Variants in OPRM1 observed in about 807,000 individuals in gnomAD.
The protein encoded by OPRM1 is opioid receptor mu 1.
A neutral mutation model predicts 31.8 loss-of-function variants in OPRM1; 27 were observed. The ratio of observed to expected loss-of-function variants is 0.85; its 90% CI spans 0.63 to 1.17. The LOEUF is 1.17. OPRM1 is among the 50% of genes most tolerant of loss of function. The pLI, the probability that OPRM1 is intolerant of heterozygous loss-of-function variation, is 0.00. For missense variants in OPRM1, 536 were observed against 511.1 expected, an observed-to-expected ratio of 1.05 and a Z score of -0.47; for synonymous variants, 196 against 189.9, an observed-to-expected ratio of 1.03 and a Z score of -0.26.
At chr6:154,198,422 T>G (rs1472644669) in intron 3 of OPRM1, among the ~76,000 whole-genome samples, 1 of 152,116 alleles carries the variant, frequency 6.6e-6, no homozygotes, top group Non-Finnish European at 1.5e-5. Context: ...AATAGGTTGG[T>G]TTGCCAGACT....
chr6:154,059,986 C>T (rs573265145), intron 1 of OPRM1, among the ~76,000 whole-genome samples: 1 of 152,210 alleles, frequency 6.6e-6, no homozygotes, highest in East Asian at 1.9e-4. Context: ...AACCTAAGCC[C>T]ATGAAGTGTC....
At chr6:154,055,621 A>G (rs1783117163) in intron 1 of OPRM1, among the ~76,000 whole-genome samples, 1 of 152,198 alleles carries the variant, frequency 6.6e-6, no homozygotes, top group Non-Finnish European at 1.5e-5. Context: ...TTGCATGAGT[A>G]TCACTGTTTC....
chr6:154,189,237 A>G (rs918228032), intron 3 of OPRM1, among the ~76,000 whole-genome samples: 1 of 152,208 alleles, frequency 6.6e-6, no homozygotes, highest in African/African-American at 2.4e-5. Flanking sequence ...TCAGAAACTC[A>G]ACTTTACCAA....
At chr6:154,117,858 G>GGGGTGTGTGT (rs1554279534) in intron 3 of OPRM1, among the ~76,000 whole-genome samples, 1 of 145,662 alleles carries the variant, frequency 6.9e-6, no homozygotes, top group African/African-American at 2.5e-5. Context: ...TTAAAAAGAT[G>GGGGTGTGTGT]GTGTGTGTGT....
upstream of OPRM1, among the ~76,000 whole-genome samples, chr6:154,035,108 T>C (rs1779227386): frequency 6.6e-6 from 1 of 152,226 alleles, no homozygotes; most frequent in Non-Finnish European, 1.5e-5. Flanking sequence ...TTGATTCTCA[T>C]ATTTTTATTT....
intron 1 of OPRM1, among the ~76,000 whole-genome samples, chr6:154,040,284 G>A (rs1473751632): frequency 6.6e-6 from 1 of 151,542 alleles, no homozygotes; most frequent in East Asian, 1.9e-4. Context: ...TGTGTGTGTG[G>A]CGGGGGGAGC....
intron 3 of OPRM1, chr6:154,214,140 T>C (rs1377088017): frequency 1.1e-6 from 1 of 934,422 alleles, no homozygotes; most frequent in Non-Finnish European, 1.8e-6. Context: ...TACATAGAAC[T>C]TGACATTGTT....
chr6:154,082,586 C>T (rs1166345598), intron 1 of OPRM1, among the ~76,000 whole-genome samples: 1 of 152,034 alleles, frequency 6.6e-6, no homozygotes, highest in African/African-American at 2.4e-5. Context: ...AAAGAAATAC[C>T]TAGGGCTATA....
At chr6:154,236,748 C>G (rs1021885738) in intron 3 of OPRM1, among the ~76,000 whole-genome samples, 1 of 152,012 alleles carries the variant, frequency 6.6e-6, no homozygotes, top group South Asian at 2.1e-4. Flanking sequence ...GACATAGAGG[C>G]GAGGCCCAGA....
At chr6:154,185,698 C>T (rs1004638751) in intron 3 of OPRM1, among the ~76,000 whole-genome samples, 5 of 152,062 alleles carry the variant, frequency 3.3e-5, no homozygotes, top group Non-Finnish European at 5.9e-5. Context: ...TGGCTTCCCT[C>T]GGCCACATTA....
chr6:154,217,875 T>C (rs1778539953), intron 3 of OPRM1, among the ~76,000 whole-genome samples: 2 of 152,312 alleles, frequency 1.3e-5, no homozygotes, highest in Non-Finnish European at 2.9e-5. Context: ...AGAAAAGGCA[T>C]TTCTAAGCTC....
chr6:154,120,641 T>C lies in OPRM1; in HGVS notation c.*1920T>C, dbSNP rs1797250233. ...AATGGATAATTCAAACAGAACACAATGTAATATTTGTATGTAAATAACTGA... is the reference window on the plus strand; with the variant it reads ...AATGGATAATTCAAACAGAACACAACGTAATATTTGTATGTAAATAACTGA... On this transcript the variant is annotated 3_prime_UTR_variant, in exon 4 of 4. Transcript: ENST00000330432. Among the ~76,000 whole-genome samples the C allele has an allele frequency of 6.6e-6, 1 of 152,172 alleles. No individual in the cohort carries two copies. Among genetic ancestry groups the C allele is most frequent in the African/African-American group, 2.4e-5 (1 of 41,432 alleles).
At chr6:154,184,104 G>T (rs1801132474) in intron 3 of OPRM1, among the ~76,000 whole-genome samples, 1 of 151,810 alleles carries the variant, frequency 6.6e-6, no homozygotes, top group Non-Finnish European at 1.5e-5. Context: ...CTTTATTTAA[G>T]AGAAAGTTTT....
chr6:154,148,301 G>A lies in OPRM1; in HGVS notation c.1164+56829G>A, dbSNP rs1005534929. Among the ~76,000 whole-genome samples, 4 of 152,240 alleles carry A rather than the reference G, an allele frequency of 2.6e-5. 1 individual carries two copies. In the South Asian group the frequency reaches 8.3e-4, roughly 32 times the overall value. On this transcript the variant is annotated intron_variant, in intron 3 of 3. Coordinates refer to the OPRM1 transcript ENST00000337049. ...ATGAAACATTGCTTTTTCCCAGATG[G>A]AAGGGGTCCAAGCTAATCAAGTTGC... is the stretch of plus-strand genomic sequence containing the variant.
intron 3 of OPRM1, chr6:154,167,772 C>A (rs1392562387): frequency 5.3e-6 from 3 of 563,614 alleles, no homozygotes; most frequent in Non-Finnish European, 3.1e-6. Context: ...ACGTCAAGAT[C>A]ATCTTGCCCT....
At chr6:154,034,340 C>T (rs1264625162), upstream of OPRM1, among the ~76,000 whole-genome samples, 1 of 152,152 alleles carries the variant, frequency 6.6e-6, no homozygotes, top group Non-Finnish European at 1.5e-5. Context: ...GTCAGGAGAT[C>T]GAGACCATCC....
chr6:154,243,659 T>C (rs4295492), intron 3 of OPRM1, among the ~76,000 whole-genome samples: 67,634 of 152,084 alleles, frequency 0.44, 15,694 homozygotes, highest in Admixed American at 0.57. Context: ...TCAGAACCCG[T>C]TGAAGGCAGA....
exon 1 of OPRM1, chr6:154,010,910 A>T (rs1329533995): frequency 7.6e-7 from 1 of 1,314,784 alleles, no homozygotes; most frequent in South Asian, 1.2e-5. Context: ...CAGCCCTTAC[A>T]TCCCATCAAA....
rs1260535407 is a variant in OPRM1, at chr6:154,129,880, A to ACACACAAC, written c.*11160_*11167dup. ...CACACACACACACACACACACACACACACACAACATAGTGAAATGGACCCG... is the reference window on the plus strand; with the variant it reads ...CACACACACACACACACACACACACACACACAACCACACAACATAGTGAAATGGACCCG... On this transcript the variant is annotated 3_prime_UTR_variant, in exon 4 of 4. Transcript: ENST00000330432. 6.7e-6 allele frequency among the ~76,000 whole-genome samples: 1 copy of ACACACAAC among 149,484 alleles called. No individual in the cohort carries two copies. The highest frequency in any genetic ancestry group is 1.9e-4 in the East Asian group (1 of 5,168).
Sources: allele counts gnomAD v4.1 joint callset (sites outside exome capture counted in the v4.1 genomes callset), GRCh38; gene constraint gnomAD v4.1.1; transcripts MANE v1.5; gene names NCBI Gene and HGNC (gene_info 2026-07-23, HGNC 2026-07-21).